Variants in ABLIM1 observed in about 807,000 individuals in gnomAD.
ABLIM1 encodes actin binding LIM protein 1.
A neutral mutation model predicts 107.0 loss-of-function variants in ABLIM1; 40 were observed. The observed-to-expected ratio is 0.37, with a 90% CI of 0.29 to 0.49. The LOEUF (loss-of-function observed/expected upper bound fraction) is 0.49. ABLIM1 is among the 20% of genes least tolerant of loss of function. ABLIM1 has a pLI of 0.97. For missense variants in ABLIM1, 857 were observed against 1,008.5 expected, an observed-to-expected ratio of 0.85 and a Z score of 2.04; for synonymous variants, 357 against 357.3, an observed-to-expected ratio of 1.00 and a Z score of 0.01.
At chr10:114,798,547 G>A in the ABLIM1 span, among the ~76,000 whole-genome samples, 3 of 123,244 alleles carry the variant, frequency 2.4e-5, no homozygotes, top group African/African-American at 6.3e-5. Context: ...GCCTGGGCAA[G>A]ATGATGAGAC....
chr10:114,511,029 T>C (rs965893113), intron 6 of ABLIM1, among the ~76,000 whole-genome samples: 3 of 152,040 alleles, frequency 2.0e-5, no homozygotes, highest in Non-Finnish European at 4.4e-5. Context: ...TCTGTTAAGG[T>C]AGTGCCTTGA....
intron 4 of ABLIM1, among the ~76,000 whole-genome samples, chr10:114,561,895 C>G (rs2069761206): frequency 6.6e-6 from 1 of 152,192 alleles, no homozygotes; most frequent in Non-Finnish European, 1.5e-5. Flanking sequence ...TTTCTTGAAA[C>G]TTAGATAATC....
chr10:114,521,659 T>C (rs138298413), intron 6 of ABLIM1, among the ~76,000 whole-genome samples: 1 of 152,066 alleles, frequency 6.6e-6, no homozygotes, highest in Non-Finnish European at 1.5e-5. Context: ...CCCCCTCCTT[T>C]CCCCGCTCCT....
chr10:114,453,694 C>G (rs1445126646), intron 12 of ABLIM1, among the ~76,000 whole-genome samples: 2 of 152,150 alleles, frequency 1.3e-5, no homozygotes, highest in African/African-American at 2.4e-5. Context: ...TCAGGTGGAG[C>G]TGGGTTAGAA....
intron 6 of ABLIM1, among the ~76,000 whole-genome samples, chr10:114,516,437 C>T (rs2062824906): frequency 6.6e-6 from 1 of 152,006 alleles, no homozygotes; most frequent in South Asian, 2.1e-4. Context: ...GGCAGGAGAA[C>T]AGCTTGAACT....
intron 1 of ABLIM1, among the ~76,000 whole-genome samples, chr10:114,766,750 A>T (rs2082904004): frequency 6.6e-6 from 1 of 152,248 alleles, no homozygotes; most frequent in Admixed American, 6.5e-5. Context: ...GACAGCGGTC[A>T]GCACTCAAAG....
chr10:114,747,193 G>A (rs778840799), intron 1 of ABLIM1, among the ~76,000 whole-genome samples: 14 of 152,148 alleles, frequency 9.2e-5, no homozygotes, highest in Non-Finnish European at 1.6e-4. Flanking sequence ...CACAGTTTGG[G>A]AAAGATGAAC....
intron 7 of ABLIM1, among the ~76,000 whole-genome samples, chr10:114,488,887 G>A (rs970354978): frequency 2.0e-5 from 3 of 152,112 alleles, no homozygotes; most frequent in African/African-American, 4.8e-5. Flanking sequence ...GTGTGGGGAT[G>A]GACAGAACTT....
chr10:114,579,795 A>G (rs1385897556), intron 2 of ABLIM1, among the ~76,000 whole-genome samples: 1 of 152,164 alleles, frequency 6.6e-6, no homozygotes, highest in Non-Finnish European at 1.5e-5. Context: ...TTCTATCTCT[A>G]TGAATTTAAC....
rs961824795 is a variant in ABLIM1 at position 114,434,916 on chromosome 10, T to C, written c.*1344A>G. 6 of 152,216 alleles carry C rather than the reference T, an allele frequency of 3.9e-5. No homozygotes were observed. The highest frequency in any genetic ancestry group is 8.8e-5 in the Non-Finnish European group (6 of 68,046). 9.4% of individuals were successfully genotyped at this position (152,216 alleles called of 1,614,324 possible). On this transcript the variant is annotated 3_prime_UTR_variant, in exon 23 of 23. Transcript: ENST00000533213. ...CATGAGCTACATCAGCGCCAACACC[T>C]TTCCATGAAGGAAGTGATGTTGGGG...
chr10:114,572,329 T>C (rs931620902), intron 3 of ABLIM1, among the ~76,000 whole-genome samples: 1 of 152,232 alleles, frequency 6.6e-6, no homozygotes, highest in East Asian at 1.9e-4. Flanking sequence ...TACCAGCTTT[T>C]TGACATTCAT....
chr10:114,663,993 GC>G (rs1390941854), intron 1 of ABLIM1, among the ~76,000 whole-genome samples: 1 of 152,174 alleles, frequency 6.6e-6, no homozygotes, highest in East Asian at 1.9e-4. Flanking sequence ...ACACTGAAAA[GC>G]TCTGACTCAC....
At chr10:114,490,804 G>C (rs1456623064) in intron 7 of ABLIM1, among the ~76,000 whole-genome samples, 1 of 150,232 alleles carries the variant, frequency 6.7e-6, no homozygotes, top group African/African-American at 2.4e-5. Flanking sequence ...ATATATATAT[G>C]TATGCTTATT....
chr10:114,661,751 T>C (rs2079804748), upstream of ABLIM1, among the ~76,000 whole-genome samples: 1 of 152,220 alleles, frequency 6.6e-6, no homozygotes, highest in Non-Finnish European at 1.5e-5. Flanking sequence ...AGGAAATTCC[T>C]AATCTTTCTA....
chr10:114,617,380 G>A (rs1490803524), intron 1 of ABLIM1, among the ~76,000 whole-genome samples: 1 of 150,572 alleles, frequency 6.6e-6, no homozygotes, highest in Non-Finnish European at 1.5e-5. Flanking sequence ...TCCTGCCTCA[G>A]CCTCCCGAGT....
intron 5 of ABLIM1, among the ~76,000 whole-genome samples, chr10:114,545,482 G>C (rs950820589): frequency 1.4e-4 from 21 of 152,148 alleles, no homozygotes; most frequent in African/African-American, 5.1e-4. Context: ...ACCAGAGAAA[G>C]AATGGTGTTA....
At chr10:114,554,663 T>G (rs945226583) in intron 4 of ABLIM1, among the ~76,000 whole-genome samples, 3 of 152,136 alleles carry the variant, frequency 2.0e-5, no homozygotes, top group Non-Finnish European at 4.4e-5. Flanking sequence ...GCTATTGCAC[T>G]TCAGCCTGGG....
chr10:114,644,098 G>C (rs554952498), intron 1 of ABLIM1, among the ~76,000 whole-genome samples: 11 of 150,342 alleles, frequency 7.3e-5, no homozygotes, highest in Non-Finnish European at 1.2e-4. Flanking sequence ...TGGCTAACAT[G>C]GTGAAACCCC....
At chr10:114,610,105 T>A (rs1005369170) in intron 1 of ABLIM1, among the ~76,000 whole-genome samples, 24 of 152,224 alleles carry the variant, frequency 1.6e-4, no homozygotes, top group African/African-American at 5.8e-4. Context: ...AATGCCCACC[T>A]GCGTCATCAT....
Sources: gnomAD v4.1 joint callset for allele counts (sites outside exome capture counted in the v4.1 genomes callset) on GRCh38, gnomAD v4.1.1 for gene constraint, MANE v1.5 for transcripts, NCBI Gene and HGNC (gene_info 2026-07-23, HGNC 2026-07-21) for gene names.